TIAM1: variants seen among roughly 807,000 people sequenced by gnomAD.
TIAM1 encodes the protein TIAM Rac1 associated GEF 1.
A neutral mutation model predicts 163.5 loss-of-function variants in TIAM1; 65 were observed. The ratio of observed to expected loss-of-function variants is 0.40; its 90% CI spans 0.33 to 0.49. TIAM1 has a LOEUF of 0.49. Ranked by LOEUF, TIAM1 falls within the 20% of genes least tolerant of loss-of-function variation. TIAM1 has a pLI of 0.77. For missense variants in TIAM1, 1,789 were observed against 2,044.7 expected, an observed-to-expected ratio of 0.87 and a Z score of 2.41; for synonymous variants, 833 against 810.1, an observed-to-expected ratio of 1.03 and a Z score of -0.48.
At chr21:31,319,540 A>C (rs563048394) in intron 2 of TIAM1, among the ~76,000 whole-genome samples, 1 of 152,236 alleles carries the variant, frequency 6.6e-6, no homozygotes, top group Non-Finnish European at 1.5e-5. Context: ...GCACTTTGGG[A>C]GGCCAAGACG....
At chr21:31,213,882 AAAAG>A (rs2087021639) in intron 9 of TIAM1, among the ~76,000 whole-genome samples, 1 of 151,320 alleles carries the variant, frequency 6.6e-6, no homozygotes, top group Non-Finnish European at 1.5e-5. Flanking sequence ...AAAAAAAAAA[AAAAG>A]AATTACATTA....
intron 13 of TIAM1, among the ~76,000 whole-genome samples, chr21:31,194,354 G>GA (rs936876081): frequency 6.6e-6 from 1 of 152,106 alleles, no homozygotes; most frequent in Non-Finnish European, 1.5e-5. Context: ...TGGTCTTGGG[G>GA]ACCCCCCTAC....
intron 4 of TIAM1, 84 bp downstream of exon 4, chr21:31,265,926 T>C (rs955319344): frequency 1.0e-5 from 16 of 1,528,338 alleles, no homozygotes; most frequent in Non-Finnish European, 1.3e-5. Context: ...GATTAAAAGA[T>C]GGAAATCTTC....
chr21:31,234,881 G>A (rs1713564517), intron 6 of TIAM1, among the ~76,000 whole-genome samples: 2 of 152,202 alleles, frequency 1.3e-5, no homozygotes, highest in South Asian at 4.1e-4. Flanking sequence ...GAGAAAAAAA[G>A]AAAATAAAAC....
At chr21:31,537,416 A>G (rs1417505337) in intron 1 of TIAM1, among the ~76,000 whole-genome samples, 2 of 150,090 alleles carry the variant, frequency 1.3e-5, no homozygotes, top group African/African-American at 4.9e-5. Context: ...GCCTGTGCTT[A>G]TATAAACCAA....
At chr21:31,461,068 A>G (rs2045307667) in intron 2 of TIAM1, among the ~76,000 whole-genome samples, 1 of 152,230 alleles carries the variant, frequency 6.6e-6, no homozygotes, top group Admixed American at 6.5e-5. Flanking sequence ...TGAAATAGTC[A>G]ATTAAAATAT....
rs149478184 is a variant in TIAM1, at chr21:31,485,929, C to T, written c.-421-21894G>A. 2.7e-3 allele frequency among the ~76,000 whole-genome samples: 404 copies of T among 152,332 alleles called. 6 individuals are homozygous for T. Among genetic ancestry groups the T allele is most frequent in the African/African-American group, 8.6e-3 (359 of 41,570 alleles). ...TGACGGTCCAGCTCCAGAACCTTTC[C>T]TCTTAGCTCTACGCCCTGCCTAACC... On this transcript the variant is annotated intron_variant, in intron 1 of 28. Transcript: ENST00000286827.
At chr21:31,394,937 T>C (rs1280382080) in intron 2 of TIAM1, among the ~76,000 whole-genome samples, 1 of 152,084 alleles carries the variant, frequency 6.6e-6, no homozygotes, top group Non-Finnish European at 1.5e-5. Flanking sequence ...ACAGGCATTA[T>C]TATAAAACTA....
chr21:31,265,201 C>CTTTTT (rs781091105), intron 4 of TIAM1, among the ~76,000 whole-genome samples: 15 of 109,974 alleles, frequency 1.4e-4, no homozygotes, highest in Non-Finnish European at 1.8e-4. Flanking sequence ...CTTTCAAAAT[C>CTTTTT]TTTTTTTTTT....
chr21:31,133,485 T>A (rs930644245), intron 23 of TIAM1, among the ~76,000 whole-genome samples: 1 of 152,190 alleles, frequency 6.6e-6, no homozygotes, highest in Non-Finnish European at 1.5e-5. Context: ...CGACTTCTCA[T>A]AAACAGCCCA....
intron 16 of TIAM1, among the ~76,000 whole-genome samples, chr21:31,156,452 T>C (rs1350906128): frequency 1.3e-5 from 2 of 152,248 alleles, no homozygotes; most frequent in Non-Finnish European, 2.9e-5. Context: ...CTCTATGGTA[T>C]GTAAATTATA....
chr21:31,501,336 C>T (rs147009260), intron 1 of TIAM1, among the ~76,000 whole-genome samples: 95 of 152,046 alleles, frequency 6.2e-4, no homozygotes, highest in African/African-American at 1.9e-3. Context: ...TTTTTAAAAA[C>T]GGAATGGGCT....
At chr21:31,126,364 C>G (rs1338370871) in intron 26 of TIAM1, among the ~76,000 whole-genome samples, 2 of 151,996 alleles carry the variant, frequency 1.3e-5, no homozygotes, top group Non-Finnish European at 2.9e-5. Context: ...GTCAGGAGAT[C>G]GAGACCATCC....
intron 1 of TIAM1, among the ~76,000 whole-genome samples, chr21:31,465,578 T>C (rs1305812594): frequency 6.6e-6 from 1 of 151,230 alleles, no homozygotes; most frequent in African/African-American, 2.4e-5. Flanking sequence ...TGATCTTCTT[T>C]TTTTTTTTTT....
At chr21:31,154,693 C>T (rs2083537946) in intron 16 of TIAM1, among the ~76,000 whole-genome samples, 1 of 152,164 alleles carries the variant, frequency 6.6e-6, no homozygotes, top group Non-Finnish European at 1.5e-5. Context: ...GTAAGGACAA[C>T]GGAAGCCCAG....
chr21:31,298,767 T>TGTGG (rs777256501), intron 2 of TIAM1, among the ~76,000 whole-genome samples: 1 of 125,858 alleles, frequency 7.9e-6, no homozygotes, highest in East Asian at 2.4e-4. Flanking sequence ...TGTGTGTGTG[T>TGTGG]GAGAAACAGA....
At chr21:31,308,122 G>T (rs2074786901) in intron 2 of TIAM1, among the ~76,000 whole-genome samples, 1 of 152,252 alleles carries the variant, frequency 6.6e-6, no homozygotes, top group East Asian at 1.9e-4. Flanking sequence ...GTGGTGGTGT[G>T]CACCTGTAGA....
chr21:31,326,421 TCC>T (rs1644529355), intron 2 of TIAM1, among the ~76,000 whole-genome samples: 1 of 152,156 alleles, frequency 6.6e-6, no homozygotes, highest in African/African-American at 2.4e-5. Context: ...CAAAGGAACT[TCC>T]TGCCTATCTG....
intron 2 of TIAM1, among the ~76,000 whole-genome samples, chr21:31,370,393 C>A (rs2076576436): frequency 6.6e-6 from 1 of 151,832 alleles, no homozygotes; most frequent in Non-Finnish European, 1.5e-5. Flanking sequence ...TTTTTATGTT[C>A]TTATCTTTAG....
Sources: allele counts gnomAD v4.1 joint callset (sites outside exome capture counted in the v4.1 genomes callset), GRCh38; gene constraint gnomAD v4.1.1; transcripts MANE v1.5; gene names NCBI Gene and HGNC (gene_info 2026-07-23, HGNC 2026-07-21).